The following GSAP variants were observed in gnomAD, a reference collection of about 807,000 sequenced individuals.
The protein encoded by GSAP is gamma-secretase activating protein.
In GSAP, 118 loss-of-function variants were observed where a neutral mutation model predicts 131.7. The observed-to-expected ratio is 0.90, with a 90% CI of 0.77 to 1.04. GSAP has a LOEUF of 1.04. Among genes scored for constraint, GSAP ranks in the 50% least tolerant of loss-of-function variants. The pLI is 0.00. For missense variants in GSAP, 1,019 were observed against 1,013.2 expected (o/e 1.01, Z -0.08); for synonymous variants, 381 against 363.4 (o/e 1.05, Z -0.55).
chr7:77,385,178 A>T (rs1798380570), intron 6 of GSAP, among the ~76,000 whole-genome samples: 1 of 151,842 alleles, frequency 6.6e-6, no homozygotes, highest in African/African-American at 2.4e-5. Context: ...GGATTACAGT[A>T]GCATACCACC....
chr7:77,396,487 A>G (rs1360446219), intron 5 of GSAP, among the ~76,000 whole-genome samples: 2 of 152,156 alleles, frequency 1.3e-5, no homozygotes, highest in African/African-American at 4.8e-5. Context: ...AGTTATAGAC[A>G]GAGGGATGAC....
chr7:77,366,838 T>C (rs1477625764), intron 12 of GSAP, among the ~76,000 whole-genome samples: 2 of 152,236 alleles, frequency 1.3e-5, no homozygotes, highest in African/African-American at 2.4e-5. Flanking sequence ...TTTAATGATA[T>C]TGATTCTTCC....
intron 14 of GSAP, among the ~76,000 whole-genome samples, chr7:77,360,509 T>C (rs58756172): frequency 1.4e-3 from 210 of 152,316 alleles, no homozygotes; most frequent in African/African-American, 4.9e-3. Context: ...GAACATCTCA[T>C]ACAAGTTATC....
intron 12 of GSAP, among the ~76,000 whole-genome samples, chr7:77,366,115 C>G (rs944983708): frequency 4.6e-5 from 7 of 151,686 alleles, no homozygotes; most frequent in African/African-American, 1.7e-4. Flanking sequence ...ATTTAAGTAC[C>G]TTGTAGATGC....
chr7:77,376,775 CAAAAAAAAA>C (rs10649095), intron 10 of GSAP, 64 bp downstream of exon 10: 4 of 453,560 alleles, frequency 8.8e-6, no homozygotes, highest in Admixed American at 4.7e-5. Context: ...GACTCCATCT[CAAAAAAAAA>C]AAAAAAAAAA....
intron 19 of GSAP, chr7:77,330,573 CTTTTTT>C (rs750457611): frequency 7.3e-5 from 56 of 762,076 alleles, no homozygotes; most frequent in South Asian, 1.0e-4. Flanking sequence ...TTTTCTGTCT[CTTTTTT>C]TTTTTTTTTT....
At chr7:77,385,272 A>T (rs1195389444) in intron 6 of GSAP, among the ~76,000 whole-genome samples, 1 of 152,036 alleles carries the variant, frequency 6.6e-6, no homozygotes, top group Non-Finnish European at 1.5e-5. Flanking sequence ...GAGCTCAGGC[A>T]ATCTGCCCTC....
At chr7:77,412,776 CAAAAAAA>C (rs34619648) in intron 1 of GSAP, among the ~76,000 whole-genome samples, 2 of 110,714 alleles carry the variant, frequency 1.8e-5, no homozygotes, top group African/African-American at 3.5e-5. Context: ...ACCAGTTTGA[CAAAAAAA>C]AAAAAAAAAA....
chr7:77,384,841 G>A (rs1798322242), intron 6 of GSAP, among the ~76,000 whole-genome samples: 1 of 152,160 alleles, frequency 6.6e-6, no homozygotes, highest in Non-Finnish European at 1.5e-5. Flanking sequence ...CATTTCTCTA[G>A]AGGCAGGAGG....
Position 77,397,511 on chromosome 7 carries a change from C to A in GSAP, c.244-96G>T, listed in dbSNP as rs751417968. The A allele has an allele frequency of 1.2e-5, 8 of 650,956 alleles. No homozygotes were observed. The Middle Eastern group carries it at 2.2e-3, about 177-fold the overall frequency. The allele number at this position is 650,956 out of a possible 1,614,324, so 40.3% of individuals were successfully genotyped here. ...CCATTAAGCTCTGTGCTAAGTATTA[C>A]TGGGGCAAAATATTTTGGTAAAGAA... On this transcript the variant is annotated intron_variant, in intron 3 of 30. Transcript: ENST00000257626.
intron 14 of GSAP, among the ~76,000 whole-genome samples, chr7:77,356,980 AAC>A (rs1348681326): frequency 6.6e-6 from 1 of 152,190 alleles, no homozygotes; most frequent in Non-Finnish European, 1.5e-5. Flanking sequence ...TTATTATAGC[AAC>A]ACTTTACTAG....
intron 22 of GSAP, chr7:77,326,558 T>TGCTCCAC (rs771580018): frequency 2.2e-5 from 6 of 270,026 alleles, no homozygotes; most frequent in Non-Finnish European, 4.2e-5. Context: ...TAAGAACCTC[T>TGCTCCAC]GCTCCACTGG....
rs1231296049 is a variant in GSAP, at chr7:77,375,060, A to T, written c.783T>A (p.Phe261Leu). ...GTAACAACCTATGAATAACTTACTT[A>T]AATCCTGAGTTGCTTAATGATATGT... ...PLDISLSNSG[F>L]KLVNFGCDYH... The change falls in exon 11 of 31, where the codon TTT becomes TTA. Residue 261 changes from phenylalanine (F) to leucine (L), a missense_variant and splice_region_variant. Physicochemically the swap from Phe to Leu is conservative, Grantham distance 22. Transcript: ENST00000257626. The T allele has an allele frequency of 6.7e-7, 1 of 1,498,752 alleles. No individual in the cohort carries two copies. The highest frequency in any genetic ancestry group is 9.2e-7 in the Non-Finnish European group (1 of 1,083,944). 92.8% of individuals were successfully genotyped at this position (1,498,752 alleles called of 1,614,324 possible).
At chr7:77,339,217 G>T (rs1019248813) in intron 19 of GSAP, among the ~76,000 whole-genome samples, 1 of 152,132 alleles carries the variant, frequency 6.6e-6, no homozygotes, top group African/African-American at 2.4e-5. Context: ...TGGGACTTGG[G>T]GGTAGAAGAA....
rs539117371 is a variant in GSAP, at chr7:77,349,627, C to T, written c.1492-223G>A. ...TTAAAGTCACAATTATAATAGGTGA[C>T]AGGGTCTCTAAAGTAAAGGAAAAGA... On this transcript the variant is annotated intron_variant, in intron 18 of 30. Coordinates refer to ENST00000257626, the MANE Select transcript of GSAP (RefSeq NM_017439.4). Among the ~76,000 whole-genome samples, 6 of 152,218 alleles carry T rather than the reference C, an allele frequency of 3.9e-5. No individual in the cohort carries two copies. In the East Asian group the frequency reaches 9.6e-4, roughly 24 times the overall value.
chr7:77,327,836 G>A (rs76665747), intron 22 of GSAP, among the ~76,000 whole-genome samples: 5,652 of 151,822 alleles, frequency 0.037, 166 homozygotes, highest in South Asian at 0.12. Flanking sequence ...AGCCATCCCC[G>A]CTCCTAACCT....
rs57095326 is a variant in GSAP at position 77,414,844 on chromosome 7, C to CTTTT, written c.109+1365_109+1368dup. 2.3e-3 allele frequency among the ~76,000 whole-genome samples: 135 copies of CTTTT among 59,864 alleles called. 28 individuals carry two copies. Among genetic ancestry groups the CTTTT allele is most frequent in the African/African-American group, 6.4e-3 (86 of 13,524 alleles). 39.3% of individuals were successfully genotyped at this position (59,864 alleles called of 152,430 possible). A position where few individuals can be genotyped will look rare whatever the true frequency, so the allele number is the denominator to read the frequency against. ...AAAAACTTTTCAGACATGTGGGCGA[C>CTTTT]TTTTTTTTTTTTTTTTTTTTTTTTT... On this transcript the variant is annotated intron_variant, in intron 1 of 30. Transcript: ENST00000257626.
In GSAP at chr7:77,355,786, C is replaced by CTTTTTTT; in HGVS notation, c.1028-140_1028-139insAAAAAAA. On this transcript the variant is annotated intron_variant, in intron 14 of 30. Coordinates refer to ENST00000257626, the MANE Select transcript of GSAP (RefSeq NM_017439.4). ...TGTAATAAGCTATCTAATGACAGCC[C>CTTTTTTT]GTTTTTTTTTTTTTTTTTTTAAGAC... 5.6e-5 allele frequency: 17 copies of CTTTTTTT among 305,310 alleles called. 1 individual carries two copies. The highest frequency in any genetic ancestry group is 4.0e-4 in the South Asian group (8 of 20,006). 18.9% of individuals were successfully genotyped at this position (305,310 alleles called of 1,614,324 possible). A position where few individuals can be genotyped will look rare whatever the true frequency, so the allele number is the denominator to read the frequency against.
chr7:77,324,837 T>TTC (rs1788113105), intron 23 of GSAP, among the ~76,000 whole-genome samples: 1 of 147,878 alleles, frequency 6.8e-6, no homozygotes, highest in African/African-American at 2.5e-5. Flanking sequence ...TTTTTTTTTT[T>TTC]TTTTTTTTTT....
Sources: allele counts gnomAD v4.1 joint callset (sites outside exome capture counted in the v4.1 genomes callset), GRCh38; gene constraint gnomAD v4.1.1; transcripts MANE v1.5; gene names NCBI Gene and HGNC (gene_info 2026-07-23, HGNC 2026-07-21).